UBE2E1: variants seen among roughly 807,000 people sequenced by gnomAD.
UBE2E1 encodes ubiquitin conjugating enzyme E2 E1, also known as ubiquitin-conjugating enzyme E2 E1.
Under a neutral mutation model 21.4 loss-of-function variants are expected in UBE2E1, and 6 were observed. That is an observed-to-expected ratio of 0.28 (90% CI 0.15 to 0.55). UBE2E1 has a LOEUF of 0.55. Ranked by LOEUF, UBE2E1 falls within the 20% of genes least tolerant of loss-of-function variation. The pLI is 0.93. For synonymous variants in UBE2E1, 87 were observed against 82.7 expected (o/e 1.05, Z -0.28); for missense variants, 142 against 236.5 (o/e 0.60, Z 2.62).
intron 3 of UBE2E1, among the ~76,000 whole-genome samples, chr3:23,858,940 C>T (rs1034754592): frequency 4.6e-5 from 7 of 152,190 alleles, no homozygotes; most frequent in Admixed American, 3.9e-4. Context: ...TAACAATTTA[C>T]CTCATATCAA....
At chr3:23,864,838 G>A (rs545160610) in intron 3 of UBE2E1, among the ~76,000 whole-genome samples, 10 of 152,326 alleles carry the variant, frequency 6.6e-5, no homozygotes, top group African/African-American at 2.2e-4. Context: ...GGCGAAGGCC[G>A]GCCTGTGTTC....
At chr3:23,875,055 G>A (rs1345109532) in intron 3 of UBE2E1, among the ~76,000 whole-genome samples, 3 of 152,122 alleles carry the variant, frequency 2.0e-5, no homozygotes, top group African/African-American at 7.2e-5. Flanking sequence ...CCCTACCAGA[G>A]TAACTTAACC....
At chr3:23,860,699 A>G (rs980961742) in intron 3 of UBE2E1, among the ~76,000 whole-genome samples, 2 of 152,202 alleles carry the variant, frequency 1.3e-5, no homozygotes, top group African/African-American at 2.4e-5. Flanking sequence ...TTACCTCTTT[A>G]TTTGCTATAA....
At position 23,889,101 on chromosome 3, in the gene UBE2E1, G is replaced by GT. The variant is rs377584053; in HGVS notation, c.337-3dup. The GT allele has an allele frequency of 1.2e-3, 1,923 of 1,582,272 alleles. 23 individuals are homozygous for GT. The African/African-American group carries it at 0.022, about 18-fold the overall frequency. On this transcript the variant is annotated splice_polypyrimidine_tract_variant and intron_variant, in intron 4 of 5. Transcript: ENST00000306627. ...GCTGTTTAAATATTGTCTGTCACTTGTTTTTTTTAGGTTACATTTCGGACA... is the reference window on the plus strand; with the variant it reads ...GCTGTTTAAATATTGTCTGTCACTTGTTTTTTTTTAGGTTACATTTCGGACA...
intron 3 of UBE2E1, among the ~76,000 whole-genome samples, chr3:23,828,115 C>A (rs1183546298): frequency 6.6e-6 from 1 of 152,164 alleles, no homozygotes; most frequent in African/African-American, 2.4e-5. Flanking sequence ...GTCTCTCTGT[C>A]AAGACCGAGT....
chr3:23,890,241 C>T (rs1336802997), intron 5 of UBE2E1, among the ~76,000 whole-genome samples: 1 of 152,084 alleles, frequency 6.6e-6, no homozygotes, highest in Non-Finnish European at 1.5e-5. Flanking sequence ...AAAGAAACTC[C>T]AATTGAGTGT....
intron 3 of UBE2E1, among the ~76,000 whole-genome samples, chr3:23,868,790 G>A (rs1374278057): frequency 6.6e-6 from 1 of 151,718 alleles, no homozygotes. Flanking sequence ...CATCCTGCAA[G>A]TATAACCACT....
chr3:23,813,438 TAA>T (rs1277831673), intron 3 of UBE2E1, among the ~76,000 whole-genome samples: 1 of 152,212 alleles, frequency 6.6e-6, no homozygotes, highest in Non-Finnish European at 1.5e-5. Context: ...TCAGCTCTCT[TAA>T]AAGAGTTCGG....
intron 3 of UBE2E1, among the ~76,000 whole-genome samples, chr3:23,829,475 A>AT (rs972187879): frequency 2.6e-5 from 4 of 151,898 alleles, no homozygotes; most frequent in African/African-American, 9.7e-5. Flanking sequence ...TGTTTTCTAA[A>AT]TTTTTTTGGA....
intron 3 of UBE2E1, among the ~76,000 whole-genome samples, chr3:23,813,448 C>T (rs1699445801): frequency 6.6e-6 from 1 of 151,936 alleles, no homozygotes; most frequent in African/African-American, 2.4e-5. Context: ...TAAAAGAGTT[C>T]GGTTTTACGT....
intron 3 of UBE2E1, among the ~76,000 whole-genome samples, chr3:23,878,024 GTC>G (rs1700954031): frequency 6.6e-6 from 1 of 152,100 alleles, no homozygotes; most frequent in African/African-American, 2.4e-5. Flanking sequence ...CTGTCCGCAT[GTC>G]TCTTTTTCCC....
intron 3 of UBE2E1, among the ~76,000 whole-genome samples, chr3:23,846,306 T>C (rs1052082058): frequency 6.6e-6 from 1 of 152,178 alleles, no homozygotes; most frequent in Non-Finnish European, 1.5e-5. Context: ...CCCATTCCTG[T>C]AGTCCTAGCT....
chr3:23,859,435 C>A (rs1283135961), intron 3 of UBE2E1, among the ~76,000 whole-genome samples: 1 of 152,188 alleles, frequency 6.6e-6, no homozygotes, highest in African/African-American at 2.4e-5. Flanking sequence ...CTGCTCCCAC[C>A]CTTGTGACTT....
In UBE2E1 at chr3:23,878,513, A is replaced by G. The variant is rs549627467; in HGVS notation, c.204-9054A>G. On this transcript the variant is annotated intron_variant, in intron 3 of 5. Coordinates refer to ENST00000306627, the MANE Select transcript of UBE2E1 (RefSeq NM_003341.5). ...TTAGGAACCACGCACATAACAGATGAGCAGTGGGTGGGCAGGCCGGCCAGC... is the reference window on the plus strand; with the variant it reads ...TTAGGAACCACGCACATAACAGATGGGCAGTGGGTGGGCAGGCCGGCCAGC... 3.3e-3 allele frequency among the ~76,000 whole-genome samples: 504 copies of G among 152,356 alleles called. 1 individual carries two copies. Among genetic ancestry groups the G allele is most frequent in the Middle Eastern group, 0.024 (7 of 294 alleles).
At chr3:23,856,073 C>G (rs2125310508) in intron 3 of UBE2E1, among the ~76,000 whole-genome samples, 1 of 152,128 alleles carries the variant, frequency 6.6e-6, no homozygotes, top group South Asian at 2.1e-4. Context: ...GCTCTGTAGC[C>G]CAGAGTGCAG....
rs536191838 is a variant in UBE2E1, at chr3:23,878,579, C to T, written c.204-8988C>T. Among the ~76,000 whole-genome samples the T allele has an allele frequency of 5.3e-5, 8 of 152,366 alleles. No homozygotes were observed. The East Asian group carries it at 1.5e-3, about 29-fold the overall frequency. On this transcript the variant is annotated intron_variant, in intron 3 of 5. Coordinates refer to ENST00000306627, the MANE Select transcript of UBE2E1 (RefSeq NM_003341.5). ...CTGTATTTACAGCCACTGCCCATGG[C>T]TTGCATTACTGCCTGAGCTCCGCCT...
intron 3 of UBE2E1, among the ~76,000 whole-genome samples, chr3:23,830,885 CT>C (rs1699853249): frequency 6.6e-6 from 1 of 152,176 alleles, no homozygotes; most frequent in South Asian, 2.1e-4. Flanking sequence ...GTTCTAAGGA[CT>C]TTGAACATTA....
intron 3 of UBE2E1, among the ~76,000 whole-genome samples, chr3:23,873,210 G>T (rs957461346): frequency 6.6e-6 from 1 of 152,172 alleles, no homozygotes; most frequent in Non-Finnish European, 1.5e-5. Context: ...AAAATGGTAA[G>T]TCATGTTTTA....
chr3:23,874,774 G>A (rs977599932), intron 3 of UBE2E1, among the ~76,000 whole-genome samples: 2 of 152,162 alleles, frequency 1.3e-5, no homozygotes, highest in Non-Finnish European at 2.9e-5. Context: ...ATCTTATAGA[G>A]GAAAATGGCT....
Sources: gnomAD v4.1 joint callset for allele counts (sites outside exome capture counted in the v4.1 genomes callset) on GRCh38, gnomAD v4.1.1 for gene constraint, MANE v1.5 for transcripts, NCBI Gene and HGNC (gene_info 2026-07-23, HGNC 2026-07-21) for gene names.